NRAP: variants seen among roughly 807,000 people sequenced by gnomAD.
NRAP encodes the protein nebulin-related-anchoring protein.
Under a neutral mutation model 225.9 loss-of-function variants are expected in NRAP, and 189 were observed. The ratio of observed to expected loss-of-function variants is 0.84; its 90% confidence interval spans 0.74 to 0.94. The LOEUF is 0.94. NRAP is among the 40% of genes least tolerant of loss of function. NRAP has a pLI of 0.00. For synonymous variants in NRAP, 769 were observed against 790.7 expected, an observed-to-expected ratio of 0.97 and a Z score of 0.46; for missense variants, 2,176 against 2,168.7, an observed-to-expected ratio of 1.00 and a Z score of -0.07.
rs1592749173 is a variant in NRAP, at chr10:113,607,045, T to C, written c.3703-763A>G. 2.6e-5 allele frequency among the ~76,000 whole-genome samples: 4 copies of C among 151,920 alleles called. No individual in the cohort carries two copies. The East Asian group carries it at 7.8e-4, about 29-fold the overall frequency. ...TGGAGAAACCCCATCTCTACTAAAA[T>C]ACTAAATTAGCCTGACATGGTGGCG... On this transcript the variant is annotated intron_variant, in intron 32 of 41. Transcript: ENST00000359988.
chr10:113,592,467 G>A (rs778369891), intron 38 of NRAP, among the ~76,000 whole-genome samples, 166 bp from the exon 39 acceptor site: 2 of 152,168 alleles, frequency 1.3e-5, no homozygotes, highest in Non-Finnish European at 2.9e-5. Context: ...GATTGGTGGG[G>A]TTGGCCGTAA....
rs953511683 is a variant in NRAP at position 113,629,061 on chromosome 10, G to T, written c.2041-40C>A. The T allele has an allele frequency of 8.6e-6, 12 of 1,394,064 alleles. No individual in the cohort carries two copies. In the African/African-American group the frequency reaches 1.6e-4, roughly 18 times the overall value. The allele number at this position is 1,394,064 out of a possible 1,614,324, so 86.4% of individuals were successfully genotyped here. A position where few individuals can be genotyped will look rare whatever the true frequency, so the allele number is the denominator to read the frequency against. On this transcript the variant is annotated intron_variant, in intron 19 of 41. Coordinates refer to ENST00000359988, the MANE Select transcript of NRAP (RefSeq NM_198060.4). ...CCACAAAGCTCTCATTGGGCGCATGGATAGAGACAGGACAAAGTTGATGGG... is the reference window on the plus strand; with the variant it reads ...CCACAAAGCTCTCATTGGGCGCATGTATAGAGACAGGACAAAGTTGATGGG...
intron 9 of NRAP, among the ~76,000 whole-genome samples, chr10:113,649,709 A>T (rs2419856): frequency 0.26 from 39,918 of 152,122 alleles, 5,868 homozygotes; most frequent in East Asian, 0.41. Context: ...TATGATAGAG[A>T]CCAGCTAAGC....
chr10:113,648,136 T>C (rs551556617), intron 9 of NRAP, among the ~76,000 whole-genome samples: 1 of 152,310 alleles, frequency 6.6e-6, no homozygotes, highest in East Asian at 1.9e-4. Context: ...TCCATCTCTC[T>C]GTGGCCTCCT....
chr10:113,589,914 G>T, intron 40 of NRAP, 117 bp from the exon 41 acceptor site: 1 of 1,195,586 alleles, frequency 8.4e-7, no homozygotes, highest in Non-Finnish European at 1.2e-6. Context: ...TCTGTCATCA[G>T]TAAAGCCAGA....
rs183940468 is a variant in NRAP, at chr10:113,663,970, G to A, written c.-88C>T. The A allele has an allele frequency of 3.5e-5, 35 of 1,010,690 alleles. No homozygotes were observed. The highest frequency in any genetic ancestry group is 3.3e-5 in the Non-Finnish European group (21 of 641,668). 62.6% of individuals were successfully genotyped at this position (1,010,690 alleles called of 1,614,324 possible). On this transcript the variant is annotated 5_prime_UTR_variant, in exon 1 of 42. Transcript: ENST00000359988. ...AGTCTAGTTCAAGTCTTCAAAATCCGACGACCATAAAATTCCTGTGGGCAC... is the reference window on the plus strand; with the variant it reads ...AGTCTAGTTCAAGTCTTCAAAATCCAACGACCATAAAATTCCTGTGGGCAC...
At chr10:113,605,062 T>C (rs1221406716) in intron 34 of NRAP, 142 bp from the exon 35 acceptor site, 2 of 789,610 alleles carry the variant, frequency 2.5e-6, no homozygotes, top group African/African-American at 1.7e-5. Flanking sequence ...CCTTCCTCCC[T>C]GGGGGATGAA....
chr10:113,640,087 A>AC (rs1849109984), intron 14 of NRAP, 140 bp downstream of exon 14: 1 of 520,278 alleles, frequency 1.9e-6, no homozygotes. Context: ...AAAATAGAAA[A>AC]GGATTTCCCT....
Position 113,606,296 on chromosome 10 carries a change from AT to A in NRAP, c.3703-15del, listed in dbSNP as rs779325144. The A allele has an allele frequency of 1.1e-5, 16 of 1,459,974 alleles. No homozygotes were observed. The highest frequency in any genetic ancestry group is 4.2e-5 in the African/African-American group (3 of 71,724). The allele number at this position is 1,459,974 out of a possible 1,614,324, so 90.4% of individuals were successfully genotyped here. On this transcript the variant is annotated splice_polypyrimidine_tract_variant and intron_variant, in intron 32 of 41. Transcript: ENST00000359988. ...TTTATAGAGGCGCTAGGCCAAAAAA[AT>A]ATAATAATAATAATGCAAGAGATAA...
At chr10:113,650,242 G>A in intron 8 of NRAP, 101 bp from the exon 9 acceptor site, 2 of 839,276 alleles carry the variant, frequency 2.4e-6, no homozygotes, top group East Asian at 4.9e-5. Flanking sequence ...TTTTCTGCTT[G>A]GATCTAGGGA....
chr10:113,644,754 G>A (rs2134116825), intron 11 of NRAP, among the ~76,000 whole-genome samples: 1 of 152,330 alleles, frequency 6.6e-6, no homozygotes, highest in East Asian at 1.9e-4. Context: ...TAACAGTTTA[G>A]GGTAAAGGAC....
intron 21 of NRAP, 78 bp from the exon 22 acceptor site, chr10:113,625,008 G>C: frequency 1.2e-6 from 1 of 843,916 alleles, no homozygotes; most frequent in Non-Finnish European, 2.0e-6. Flanking sequence ...TGGTGTCTCT[G>C]TCTGGTTGGC....
At position 113,633,005 on chromosome 10, in the gene NRAP, C is replaced by T. The variant is rs1380468439; in HGVS notation, c.1632+79G>A. ...CTTTCTCAGGGACAGACACTTCCCACTTGCTGGACCATCCTGTTATCTTTG... is the reference window on the plus strand; with the variant it reads ...CTTTCTCAGGGACAGACACTTCCCATTTGCTGGACCATCCTGTTATCTTTG... On this transcript the variant is annotated intron_variant, in intron 16 of 41. Coordinates refer to ENST00000359988, the MANE Select transcript of NRAP (RefSeq NM_198060.4). The T allele has an allele frequency of 2.1e-5, 17 of 805,558 alleles. 1 individual carries two copies. The highest frequency in any genetic ancestry group is 1.7e-4 in the South Asian group (12 of 72,520). 49.9% of individuals were successfully genotyped at this position (805,558 alleles called of 1,614,324 possible).
At chr10:113,593,416 C>T (rs561994984) in intron 38 of NRAP, among the ~76,000 whole-genome samples, 56 of 152,292 alleles carry the variant, frequency 3.7e-4, no homozygotes, top group African/African-American at 1.3e-3. Flanking sequence ...TTGGGCCAAG[C>T]ATGGCGGATC....
At position 113,624,430 on chromosome 10, in the gene NRAP, A is replaced by G. The variant is rs78517779; in HGVS notation, c.2349+396T>C. ...ATTGGTATCATTTTACCAATGGGACACCTGGAAACAAAGAATTTGCCCAAG... is the reference window on the plus strand; with the variant it reads ...ATTGGTATCATTTTACCAATGGGACGCCTGGAAACAAAGAATTTGCCCAAG... On this transcript the variant is annotated intron_variant, in intron 22 of 41. Coordinates refer to ENST00000359988, the MANE Select transcript of NRAP (RefSeq NM_198060.4). Among the ~76,000 whole-genome samples, 34 of 152,292 alleles carry G rather than the reference A, an allele frequency of 2.2e-4. No homozygotes were observed. In the East Asian group the frequency reaches 4.8e-3, roughly 22 times the overall value.
At chr10:113,649,609 T>TA (rs894473397) in intron 9 of NRAP, among the ~76,000 whole-genome samples, 5 of 152,100 alleles carry the variant, frequency 3.3e-5, no homozygotes, top group Non-Finnish European at 5.9e-5. Context: ...CCAACCTAGA[T>TA]AAAAAAAATT....
At chr10:113,614,807 A>C in intron 28 of NRAP, 32 bp downstream of exon 28, 1 of 1,308,870 alleles carries the variant, frequency 7.6e-7, no homozygotes, top group Non-Finnish European at 1.1e-6. Context: ...TTAGTGTTGA[A>C]CATTGTCACA....
rs1315981161 is a variant in NRAP, at chr10:113,628,905, A to G, written c.2145+12T>C. On this transcript the variant is annotated intron_variant, in intron 20 of 41. Transcript: ENST00000359988. ...AGGACTACTGGAGGCCAGAGGCCCC[A>G]GTGCAGGTTACCTCGCTGACCAGCT... is the stretch of plus-strand genomic sequence containing the variant. The G allele has an allele frequency of 1.5e-5, 23 of 1,536,676 alleles. No individual in the cohort carries two copies. The East Asian group carries it at 3.4e-4, about 23-fold the overall frequency.
chr10:113,646,838 T>C, intron 10 of NRAP, 85 bp downstream of exon 10: 2 of 900,168 alleles, frequency 2.2e-6, no homozygotes, highest in Non-Finnish European at 3.8e-6. Context: ...AATAAATGTA[T>C]CTGTGTGTAG....
Sources: allele counts gnomAD v4.1 joint callset (sites outside exome capture counted in the v4.1 genomes callset), GRCh38; gene constraint gnomAD v4.1.1; transcripts MANE v1.5; gene names NCBI Gene and HGNC (gene_info 2026-07-23, HGNC 2026-07-21).